CAB39: variants seen among roughly 807,000 people sequenced by gnomAD.
CAB39 encodes calcium-binding protein 39.
A neutral mutation model predicts 40.0 loss-of-function variants in CAB39; 8 were observed. That is an observed-to-expected ratio of 0.20 (90% CI 0.12 to 0.36). CAB39 has a LOEUF of 0.36. Ranked by LOEUF, CAB39 falls within the 10% of genes least tolerant of loss-of-function variation. CAB39 has a pLI of 1.00. For missense variants in CAB39, 270 were observed against 401.1 expected, an observed-to-expected ratio of 0.67 and a Z score of 2.79; for synonymous variants, 156 against 141.6, an observed-to-expected ratio of 1.10 and a Z score of -0.72.
intron 2 of CAB39, among the ~76,000 whole-genome samples, chr2:230,767,045 C>T (rs1345372183): frequency 6.6e-6 from 1 of 152,152 alleles, no homozygotes; most frequent in African/African-American, 2.4e-5. Context: ...ATTACCTGGC[C>T]TATGTTATTA....
chr2:230,817,579 A>AG (rs1409922443), intron 7 of CAB39, among the ~76,000 whole-genome samples, 175 bp from the exon 8 acceptor site: 2 of 152,324 alleles, frequency 1.3e-5, no homozygotes, highest in East Asian at 3.9e-4. Context: ...GAAGGCATTC[A>AG]GGTGGCAGAG....
chr2:230,795,565 A>G (rs1206076232), intron 4 of CAB39, among the ~76,000 whole-genome samples: 1 of 152,094 alleles, frequency 6.6e-6, no homozygotes, highest in Non-Finnish European at 1.5e-5. Context: ...TGTGTGCTTC[A>G]TATTGGGTGG....
chr2:230,785,861 TTTTTTTAAGAGA>T (rs1468259890), intron 2 of CAB39, among the ~76,000 whole-genome samples: 2 of 151,732 alleles, frequency 1.3e-5, no homozygotes, highest in Non-Finnish European at 2.9e-5. Flanking sequence ...TTTTGTGTTT[TTTTTTTAAGAGA>T]TGGAGTCTTG....
chr2:230,795,949 A>G (rs1227611389), intron 4 of CAB39, among the ~76,000 whole-genome samples: 5 of 152,242 alleles, frequency 3.3e-5, no homozygotes, highest in African/African-American at 1.2e-4. Context: ...TTTAAAAATT[A>G]TATTTGATAT....
intron 1 of CAB39, among the ~76,000 whole-genome samples, chr2:230,738,292 G>A (rs1694821290): frequency 6.6e-6 from 1 of 152,174 alleles, no homozygotes; most frequent in East Asian, 1.9e-4. Context: ...ATGCCATTTA[G>A]TTCTCATCTT....
At chr2:230,733,945 T>C (rs143880457) in intron 1 of CAB39, among the ~76,000 whole-genome samples, 101 of 152,350 alleles carry the variant, frequency 6.6e-4, no homozygotes, top group African/African-American at 2.4e-3. Context: ...CTTTAATTTT[T>C]TTCTTTGTTT....
chr2:230,820,359 A>T lies in CAB39; in HGVS notation c.*1655A>T, dbSNP rs907293901. 1 of 152,252 alleles carries T rather than the reference A, an allele frequency of 6.6e-6. No homozygotes were observed. Among genetic ancestry groups the T allele is most frequent in the African/African-American group, 2.4e-5 (1 of 41,456 alleles). The allele number at this position is 152,252 out of a possible 1,614,324, so 9.4% of individuals were successfully genotyped here. A position where few individuals can be genotyped will look rare whatever the true frequency, so the allele number is the denominator to read the frequency against. The stretch of plus-strand genomic sequence containing the variant: ...CTTCAGGAACACCAGTTAGGAAAAT[A>T]GCTCCAGAAAATATAGATATATTTT... On this transcript the variant is annotated 3_prime_UTR_variant, in exon 9 of 9. Transcript: ENST00000258418.
At position 230,817,678 on chromosome 2, in the gene CAB39, A is replaced by G; in HGVS notation, c.694-76A>G. ...CTAATACTCTATACTTGATGATTAT[A>G]AAATAAATTGTTTTTTTAAACTTTG... On this transcript the variant is annotated intron_variant, in intron 7 of 8. Transcript: ENST00000258418. 4 of 1,181,074 alleles carry G rather than the reference A, an allele frequency of 3.4e-6. No individual in the cohort carries two copies. In the South Asian group the frequency reaches 6.1e-5, roughly 18 times the overall value. 73.2% of individuals were successfully genotyped at this position (1,181,074 alleles called of 1,614,324 possible).
At chr2:230,799,628 G>A (rs928431426) in intron 5 of CAB39, among the ~76,000 whole-genome samples, 4 of 152,202 alleles carry the variant, frequency 2.6e-5, no homozygotes, top group African/African-American at 4.8e-5. Flanking sequence ...GAGAGCAAGC[G>A]TTTGTAGGTT....
intron 1 of CAB39, among the ~76,000 whole-genome samples, chr2:230,732,004 G>A (rs1233847665): frequency 6.6e-6 from 1 of 152,016 alleles, no homozygotes; most frequent in Non-Finnish European, 1.5e-5. Context: ...TCTACAGAAA[G>A]TAGAATTAGT....
intron 5 of CAB39, among the ~76,000 whole-genome samples, chr2:230,800,609 CAA>C (rs1696073007): frequency 6.6e-6 from 1 of 152,106 alleles, no homozygotes; most frequent in Non-Finnish European, 1.5e-5. Context: ...CACCATGTGT[CAA>C]AGAGAGATTC....
intron 1 of CAB39, among the ~76,000 whole-genome samples, chr2:230,745,660 C>G (rs1694960354): frequency 6.6e-6 from 1 of 151,986 alleles, no homozygotes; most frequent in African/African-American, 2.4e-5. Context: ...GAGTTTCGCG[C>G]TTGTTGCCCA....
chr2:230,723,484 T>C (rs58656803), intron 1 of CAB39, among the ~76,000 whole-genome samples: 2,850 of 152,334 alleles, frequency 0.019, 87 homozygotes, highest in African/African-American at 0.065. Context: ...CTGCCCCTTC[T>C]GCAGTAGGTG....
chr2:230,716,430 A>G (rs369151477), intron 1 of CAB39, among the ~76,000 whole-genome samples: 1 of 152,224 alleles, frequency 6.6e-6, no homozygotes. Flanking sequence ...GCCATCTGCC[A>G]TGAAAATACA....
At chr2:230,725,865 G>A (rs1286317784) in intron 1 of CAB39, among the ~76,000 whole-genome samples, 1 of 152,188 alleles carries the variant, frequency 6.6e-6, no homozygotes, top group Non-Finnish European at 1.5e-5. Context: ...TAAAAGTACA[G>A]TTTTTCCATA....
intron 1 of CAB39, among the ~76,000 whole-genome samples, chr2:230,752,460 A>G (rs2124908203): frequency 6.6e-6 from 1 of 152,276 alleles, no homozygotes; most frequent in Non-Finnish European, 1.5e-5. Context: ...TGCATCTCAC[A>G]TGGTGAAAGG....
rs531654717 is a variant in CAB39 at position 230,777,970 on chromosome 2, G to A, written c.115-12902G>A. On this transcript the variant is annotated intron_variant, in intron 2 of 8. Transcript: ENST00000258418. Reference sequence around the variant, plus strand: ...TGCCAAATTGCCCTCCAGTAAAGTTGTACCAATTTATTTTCCTACCAGTGG... The same window carrying A: ...TGCCAAATTGCCCTCCAGTAAAGTTATACCAATTTATTTTCCTACCAGTGG... Among the ~76,000 whole-genome samples the A allele has an allele frequency of 2.0e-5, 3 of 152,230 alleles. No individual in the cohort carries two copies. The East Asian group carries it at 5.8e-4, about 29-fold the overall frequency.
At chr2:230,749,763 C>T (rs1227154430) in intron 1 of CAB39, among the ~76,000 whole-genome samples, 3 of 152,120 alleles carry the variant, frequency 2.0e-5, no homozygotes, top group Non-Finnish European at 4.4e-5. Context: ...CAGTGGCCAT[C>T]TTTGTATGTA....
intron 5 of CAB39, among the ~76,000 whole-genome samples, chr2:230,803,788 A>T (rs1696137808): frequency 6.6e-6 from 1 of 152,276 alleles, no homozygotes; most frequent in African/African-American, 2.4e-5. Context: ...GCTCATGGAT[A>T]GGAAGAATCA....
Sources: gnomAD v4.1 joint callset for allele counts (sites outside exome capture counted in the v4.1 genomes callset) on GRCh38, gnomAD v4.1.1 for gene constraint, MANE v1.5 for transcripts, NCBI Gene and HGNC (gene_info 2026-07-23, HGNC 2026-07-21) for gene names.